Variants in TBC1D14 observed in about 807,000 individuals in gnomAD.
TBC1D14 encodes the protein TBC1 domain family member 14.
In TBC1D14, 26 loss-of-function variants were observed where a neutral mutation model predicts 79.0. The ratio of observed to expected loss-of-function variants is 0.33; its 90% CI spans 0.24 to 0.46. The LOEUF is 0.46. Ranked by LOEUF, TBC1D14 falls within the 20% of genes least tolerant of loss-of-function variation. TBC1D14 has a pLI of 1.00. For synonymous variants in TBC1D14, 394 were observed against 349.9 expected (o/e 1.13, Z -1.40); for missense variants, 769 against 887.6 (o/e 0.87, Z 1.70).
rs1218201357 is a variant in TBC1D14 at position 6,940,344 on chromosome 4, TGTAACAGCAGCACACA to T, written c.722+16236_722+16251del. ...ACTTGAACCTTTGTTGTTCTTGATG[TGTAACAGCAGCACACA>T]GTGGGTGTGAAACGAGCAAATCCAT... On this transcript the variant is annotated intron_variant, in intron 2 of 13. Transcript: ENST00000409757. Among the ~76,000 whole-genome samples the T allele has an allele frequency of 2.0e-5, 3 of 152,302 alleles. No individual in the cohort carries two copies. The East Asian group carries it at 5.8e-4, about 29-fold the overall frequency.
At position 6,967,333 on chromosome 4, in the gene TBC1D14, G is replaced by A; in HGVS notation, c.752G>A (p.Arg251Lys). 6.2e-7 allele frequency: 1 copy of A among 1,614,028 alleles called. No individual in the cohort carries two copies. Among genetic ancestry groups the A allele is most frequent in the Non-Finnish European group, 8.5e-7 (1 of 1,180,000 alleles). ...TTGCTTGCTAGAAAACAAAGTGCAAGGCTTGACAAACACAATGACTTGGGA... is the reference window on the plus strand; with the variant it reads ...TTGCTTGCTAGAAAACAAAGTGCAAAGCTTGACAAACACAATGACTTGGGA... ...RNLLARKQSARLDKHNDLGWK... is the reference protein window; with the variant it reads ...RNLLARKQSAKLDKHNDLGWK... Residue 251 changes from arginine (R) to lysine (K), a missense_variant, in exon 3 of 14, where the codon AGG becomes AAG. Transcript: ENST00000409757.
chr4:6,995,437 A>AG (rs1718919955), intron 4 of TBC1D14: 1 of 152,146 alleles, frequency 6.6e-6, no homozygotes, highest in Admixed American at 6.5e-5. Context: ...ATATACCAAA[A>AG]GATTAAGTGT....
intron 12 of TBC1D14, 141 bp downstream of exon 12, chr4:7,014,698 A>C: frequency 1.6e-6 from 1 of 626,458 alleles, no homozygotes; most frequent in Non-Finnish European, 2.8e-6. Context: ...CCTGCCCTTG[A>C]GTTTTATTTC....
intron 2 of TBC1D14, among the ~76,000 whole-genome samples, chr4:6,961,971 A>C (rs916160504): frequency 6.6e-6 from 1 of 152,248 alleles, no homozygotes; most frequent in African/African-American, 2.4e-5. Context: ...GCTGTTGAGA[A>C]AGCGTCTCGC....
intron 2 of TBC1D14, among the ~76,000 whole-genome samples, chr4:6,943,248 A>G (rs1334760556): frequency 6.6e-6 from 1 of 152,202 alleles, no homozygotes; most frequent in Non-Finnish European, 1.5e-5. Context: ...GAGGGAAGCC[A>G]GGAAAGAGGA....
rs141454945 is a variant in TBC1D14, at chr4:6,919,521, C to T, written c.-17-3852C>T. ...GTGTAGTACAGTGTGGTTCTAATTT[C>T]TAAGAAAAATTGATTATCAATTACT... On this transcript the variant is annotated intron_variant, in intron 1 of 13. Coordinates refer to ENST00000409757, the MANE Select transcript of TBC1D14 (RefSeq NM_020773.3). Among the ~76,000 whole-genome samples the T allele has an allele frequency of 5.6e-3, 856 of 152,204 alleles. 3 individuals are homozygous for T. Among genetic ancestry groups the T allele is most frequent in the Middle Eastern group, 0.014 (4 of 294 alleles).
intron 3 of TBC1D14, among the ~76,000 whole-genome samples, chr4:6,976,187 A>T (rs143334114): frequency 4.6e-5 from 7 of 152,348 alleles, no homozygotes; most frequent in African/African-American, 1.7e-4. Context: ...GTGGGGCAGT[A>T]CTAAAAAGTA....
chr4:7,002,178 G>A (rs1038156551), intron 7 of TBC1D14, among the ~76,000 whole-genome samples: 1 of 152,208 alleles, frequency 6.6e-6, no homozygotes, highest in Middle Eastern at 3.2e-3. Context: ...CTTCTGTGCG[G>A]TGTGGTCCTA....
At chr4:6,949,711 C>A (rs1713845042) in intron 2 of TBC1D14, among the ~76,000 whole-genome samples, 1 of 149,654 alleles carries the variant, frequency 6.7e-6, no homozygotes, top group African/African-American at 2.5e-5. Context: ...AATCCTTGAA[C>A]CTCTATTTAG....
chr4:7,002,841 G>T lies in TBC1D14; in HGVS notation c.1270+1590G>T, dbSNP rs1368279880. Among the ~76,000 whole-genome samples the T allele has an allele frequency of 1.3e-5, 2 of 152,134 alleles. 1 individual carries two copies. The highest frequency in any genetic ancestry group is 2.9e-5 in the Non-Finnish European group (2 of 68,024). Reference sequence around the variant, plus strand: ...TGCTGAGTACCAAGCATCATATTAGGTTCTTTACTTATGGATCTTATTTAA... The same window carrying T: ...TGCTGAGTACCAAGCATCATATTAGTTTCTTTACTTATGGATCTTATTTAA... On this transcript the variant is annotated intron_variant, in intron 7 of 13. Transcript: ENST00000409757.
At chr4:6,938,307 C>T (rs10937771) in intron 2 of TBC1D14, among the ~76,000 whole-genome samples, 65,227 of 152,032 alleles carry the variant, frequency 0.43, 15,299 homozygotes, top group East Asian at 0.67. Context: ...GTGCCATGCT[C>T]GGCCACCCTG....
intron 1 of TBC1D14, among the ~76,000 whole-genome samples, chr4:6,918,610 C>G (rs543793130): frequency 1.3e-5 from 2 of 152,302 alleles, no homozygotes; most frequent in Admixed American, 1.3e-4. Flanking sequence ...GGTTAAGCAC[C>G]TCATTTGAGG....
At chr4:6,954,234 GA>G in intron 2 of TBC1D14, 2 of 714,934 alleles carry the variant, frequency 2.8e-6, no homozygotes, top group South Asian at 3.0e-5. Flanking sequence ...GGCGTGCCAG[GA>G]ATGCGGCACG....
chr4:6,974,261 T>C (rs548528225), intron 3 of TBC1D14, among the ~76,000 whole-genome samples: 1 of 152,324 alleles, frequency 6.6e-6, no homozygotes, highest in Non-Finnish European at 1.5e-5. Flanking sequence ...AGAAGAATTT[T>C]GTTTCCAAGG....
In TBC1D14 at chr4:7,004,902, A is replaced by T; in HGVS notation, c.1329A>T (p.Gly443=). Residue 443 remains glycine, a synonymous_variant, in exon 8 of 14, where the codon GGA becomes GGT. Transcript: ENST00000409757. The part of the protein sequence containing the change: ...AKERWRSLST[G]GSEVENEDAG... The stretch of plus-strand genomic sequence containing the variant: ...AGAGGTGGCGGTCCCTTAGCACAGG[A>T]GGCTCTGAAGTGGAGAACGAAGGTA... 1 of 1,614,126 alleles carries T rather than the reference A, an allele frequency of 6.2e-7. No individual in the cohort carries two copies. The highest frequency in any genetic ancestry group is 8.5e-7 in the Non-Finnish European group (1 of 1,180,004).
chr4:6,955,668 T>C (rs1469677459), intron 2 of TBC1D14, among the ~76,000 whole-genome samples: 1 of 152,006 alleles, frequency 6.6e-6, no homozygotes, highest in Non-Finnish European at 1.5e-5. Flanking sequence ...GAGTAACTGC[T>C]GAAGTGCAAA....
At chr4:6,999,554 G>A (rs532606388) in intron 6 of TBC1D14, among the ~76,000 whole-genome samples, 41 of 152,116 alleles carry the variant, frequency 2.7e-4, no homozygotes, top group African/African-American at 9.2e-4. Context: ...TGCCTTCCTC[G>A]GCAGCCTCAC....
Position 7,032,163 on chromosome 4 carries a change from G to C in TBC1D14, c.*1771G>C, listed in dbSNP as rs1001434286. ...AGGAGGCGTCCTGTCTTCACGGGGG[G>C]GTCCCGGTGGCCTCCAGACGTAGCC... On this transcript the variant is annotated 3_prime_UTR_variant, in exon 14 of 14. Coordinates refer to ENST00000409757, the MANE Select transcript of TBC1D14 (RefSeq NM_020773.3). 6.6e-6 allele frequency: 1 copy of C among 152,622 alleles called. No individual in the cohort carries two copies. Among genetic ancestry groups the C allele is most frequent in the South Asian group, 2.1e-4 (1 of 4,824 alleles). 9.5% of individuals were successfully genotyped at this position (152,622 alleles called of 1,614,324 possible). A position where few individuals can be genotyped will look rare whatever the true frequency, so the allele number is the denominator to read the frequency against.
At chr4:6,952,203 G>A (rs778886820) in intron 2 of TBC1D14, among the ~76,000 whole-genome samples, 15 of 152,270 alleles carry the variant, frequency 9.9e-5, no homozygotes, top group Non-Finnish European at 1.9e-4. Flanking sequence ...GGTGTGCATC[G>A]GAGCCACTGC....
Sources: allele counts gnomAD v4.1 joint callset (sites outside exome capture counted in the v4.1 genomes callset), GRCh38; gene constraint gnomAD v4.1.1; transcripts MANE v1.5; gene names NCBI Gene and HGNC (gene_info 2026-07-23, HGNC 2026-07-21).